Variants in NDST4 observed in about 807,000 individuals in gnomAD.
NDST4 encodes N-heparan sulfate sulfotransferase 4.
NDST4 carries 63 observed loss-of-function variants against 100.8 expected under a neutral mutation model. The observed-to-expected ratio is 0.62, with a 90% confidence interval of 0.51 to 0.77. The LOEUF is 0.77. Among genes scored for constraint, NDST4 ranks in the 30% least tolerant of loss-of-function variants. NDST4 has a pLI of 0.00. For missense variants in NDST4, 943 were observed against 1,018.4 expected, an observed-to-expected ratio of 0.93 and a Z score of 1.01; for synonymous variants, 377 against 361.8, an observed-to-expected ratio of 1.04 and a Z score of -0.48.
At chr4:114,935,132 G>C in intron 6 of NDST4, 74 bp downstream of exon 6, 1 of 1,173,136 alleles carries the variant, frequency 8.5e-7, no homozygotes, top group Middle Eastern at 2.4e-4. Context: ...ATATGATTTA[G>C]TTTAAAAGAC....
In NDST4 at chr4:115,076,856, T is replaced by C. The variant is rs750003709; in HGVS notation, c.181A>G (p.Arg61Gly). 11 of 1,613,882 alleles carry C rather than the reference T, an allele frequency of 6.8e-6. No individual in the cohort carries two copies. Among genetic ancestry groups the C allele is most frequent in the Non-Finnish European group, 8.5e-6 (10 of 1,179,882 alleles). Residue 61 changes from arginine (R) to glycine (G), a missense_variant, in exon 2 of 14, where the codon AGG (arginine) becomes GGG (glycine). This residue lies in a region of NDST4 where 417 missense variants were observed against 384.2 expected (regional missense o/e 1.09). Coordinates refer to ENST00000264363, the MANE Select transcript of NDST4 (RefSeq NM_022569.3). The part of the protein sequence containing the change: ...ECTDIKILPY[R>G]SMELKTVKPI... ...TTAACTGTTTTCAGCTCCATTGACC[T>C]ATATGGTAGAATTTTGATGTCAGTG...
At chr4:114,887,617 C>T (rs1724507561) in intron 6 of NDST4, among the ~76,000 whole-genome samples, 1 of 152,154 alleles carries the variant, frequency 6.6e-6, no homozygotes, top group African/African-American at 2.4e-5. Flanking sequence ...CAAGGATCCA[C>T]TTAATAATTA....
chr4:114,872,230 A>T (rs182588823), intron 6 of NDST4, among the ~76,000 whole-genome samples: 1 of 152,008 alleles, frequency 6.6e-6, no homozygotes, highest in Non-Finnish European at 1.5e-5. Context: ...GAGGCCTTTT[A>T]TCTTAAAAAA....
intron 1 of NDST4, among the ~76,000 whole-genome samples, 170 bp downstream of exon 1, chr4:115,113,274 G>A (rs2110349475): frequency 6.6e-6 from 1 of 151,900 alleles, no homozygotes; most frequent in Non-Finnish European, 1.5e-5. Flanking sequence ...TGACAGGTAA[G>A]CACACACATG....
intron 10 of NDST4, among the ~76,000 whole-genome samples, chr4:114,843,912 G>A (rs909331468): frequency 1.1e-4 from 17 of 152,156 alleles, no homozygotes; most frequent in African/African-American, 3.9e-4. Flanking sequence ...TGACTTCACT[G>A]TTCTTTTGAT....
intron 6 of NDST4, among the ~76,000 whole-genome samples, chr4:114,873,633 T>C (rs1724196678): frequency 6.6e-6 from 1 of 152,026 alleles, no homozygotes; most frequent in Non-Finnish European, 1.5e-5. Context: ...TAACATAGCA[T>C]GGTATCAGTA....
At chr4:114,844,212 A>G (rs781405369) in intron 10 of NDST4, among the ~76,000 whole-genome samples, 2 of 152,214 alleles carry the variant, frequency 1.3e-5, no homozygotes, top group Non-Finnish European at 2.9e-5. Context: ...CAATAGCTTC[A>G]AGTGTGATTT....
At position 114,906,101 on chromosome 4, in the gene NDST4, G is replaced by T. The variant is rs571571933; in HGVS notation, c.1536+29105C>A. Among the ~76,000 whole-genome samples the T allele has an allele frequency of 5.1e-3, 773 of 151,950 alleles. 10 individuals are homozygous for T. The highest frequency in any genetic ancestry group is 0.027 in the Middle Eastern group (8 of 294). ...AACCTTGGGATCAATTTTTCTATGAGTCATAACATAATTAACTATAAAATA... is the reference window on the plus strand; with the variant it reads ...AACCTTGGGATCAATTTTTCTATGATTCATAACATAATTAACTATAAAATA... On this transcript the variant is annotated intron_variant, in intron 6 of 13. Transcript: ENST00000264363.
chr4:114,890,126 G>A (rs571794236), intron 6 of NDST4, among the ~76,000 whole-genome samples: 2 of 133,408 alleles, frequency 1.5e-5, no homozygotes, highest in African/African-American at 7.8e-5. Flanking sequence ...CATGGAAATT[G>A]TTAGTAGTTA....
intron 2 of NDST4, among the ~76,000 whole-genome samples, chr4:115,049,081 T>G (rs1728526212): frequency 6.6e-6 from 1 of 152,212 alleles, no homozygotes; most frequent in Admixed American, 6.5e-5. Flanking sequence ...TGTTCAATTA[T>G]TTTTGTTGAA....
intron 6 of NDST4, among the ~76,000 whole-genome samples, chr4:114,920,787 T>C (rs1181271213): frequency 6.6e-6 from 1 of 152,184 alleles, no homozygotes; most frequent in African/African-American, 2.4e-5. Context: ...TGAAGTTCAA[T>C]GGAGACAGAT....
intron 6 of NDST4, among the ~76,000 whole-genome samples, chr4:114,877,198 T>G (rs188534810): frequency 1.3e-5 from 2 of 152,356 alleles, no homozygotes; most frequent in East Asian, 3.9e-4. Flanking sequence ...GTCTATTTTC[T>G]GCTTCATTTT....
intron 6 of NDST4, among the ~76,000 whole-genome samples, chr4:114,922,001 C>T (rs555887149): frequency 4.7e-4 from 70 of 147,956 alleles, no homozygotes; most frequent in African/African-American, 1.7e-3. Flanking sequence ...GTGTTACAGT[C>T]GGTAGTTAGT....
At chr4:114,955,114 T>G (rs1215292645) in intron 4 of NDST4, among the ~76,000 whole-genome samples, 7 of 152,148 alleles carry the variant, frequency 4.6e-5, no homozygotes, top group African/African-American at 1.7e-4. Flanking sequence ...AATACATATA[T>G]TATTTTCATA....
At chr4:114,828,994 T>C (rs1009378727) in intron 13 of NDST4, among the ~76,000 whole-genome samples, 3 of 152,186 alleles carry the variant, frequency 2.0e-5, no homozygotes, top group Non-Finnish European at 4.4e-5. Flanking sequence ...TTTATAGTAG[T>C]AGTGGGAACA....
intron 6 of NDST4, among the ~76,000 whole-genome samples, chr4:114,893,366 G>A (rs1454386704): frequency 1.3e-5 from 2 of 152,142 alleles, no homozygotes; most frequent in African/African-American, 2.4e-5. Context: ...CACCAACAGT[G>A]TAAAAGCATT....
At chr4:114,833,385 A>G (rs1723242773) in intron 12 of NDST4, among the ~76,000 whole-genome samples, 1 of 152,106 alleles carries the variant, frequency 6.6e-6, no homozygotes, top group Admixed American at 6.5e-5. Flanking sequence ...TCACAAAAAG[A>G]AGAATTTGCA....
intron 6 of NDST4, among the ~76,000 whole-genome samples, chr4:114,877,179 C>T (rs539093528): frequency 6.6e-6 from 1 of 152,266 alleles, no homozygotes; most frequent in South Asian, 2.1e-4. Context: ...ACAAATTCAT[C>T]AAACTTCCGT....
intron 2 of NDST4, among the ~76,000 whole-genome samples, chr4:115,052,167 G>T (rs1471246645): frequency 6.6e-6 from 1 of 152,024 alleles, no homozygotes. Flanking sequence ...AATATTGATA[G>T]ATTGAATTAA....
Sources: allele counts gnomAD v4.1 joint callset (sites outside exome capture counted in the v4.1 genomes callset), GRCh38; gene constraint gnomAD v4.1.1; regional missense constraint gnomAD v4.1.1; transcripts MANE v1.5; gene names NCBI Gene and HGNC (gene_info 2026-07-23, HGNC 2026-07-21).